The following ADAMTS17 variants were observed in gnomAD, a reference collection of about 807,000 sequenced individuals.
The protein encoded by ADAMTS17 is ADAM metallopeptidase with thrombospondin type 1 motif 17, also known as A disintegrin and metalloproteinase with thrombospondin motifs 17.
ADAMTS17 carries 113 observed loss-of-function variants against 141.5 expected under a neutral mutation model. The ratio of observed to expected loss-of-function variants is 0.80; its 90% CI spans 0.69 to 0.93. ADAMTS17 has a LOEUF of 0.93. ADAMTS17 is among the 40% of genes least tolerant of loss of function. ADAMTS17 has a pLI of 0.00. For synonymous variants in ADAMTS17, 768 were observed against 630.6 expected (o/e 1.22, Z -3.27); for missense variants, 1,659 against 1,517.9 (o/e 1.09, Z -1.54).
chr15:99,986,131 CCAGGCAGG>C (rs1326403236), intron 20 of ADAMTS17, among the ~76,000 whole-genome samples: 9 of 152,264 alleles, frequency 5.9e-5, no homozygotes, highest in Admixed American at 3.9e-4. Context: ...GGGGCCACAG[CCAGGCAGG>C]CAGGCCTTGC....
intron 18 of ADAMTS17, 89 bp downstream of exon 18, chr15:100,048,768 G>A: frequency 1.3e-6 from 2 of 1,566,364 alleles, no homozygotes; most frequent in South Asian, 1.1e-5. Context: ...GAGCAGTACT[G>A]TGGCATTAAC....
chr15:100,087,159 A>G (rs1467889966), intron 15 of ADAMTS17, among the ~76,000 whole-genome samples: 1 of 152,252 alleles, frequency 6.6e-6, no homozygotes, highest in Non-Finnish European at 1.5e-5. Flanking sequence ...TAAAGGGGAT[A>G]TCACCACTGA....
At chr15:100,315,040 G>T (rs1301409578) in intron 3 of ADAMTS17, among the ~76,000 whole-genome samples, 2 of 152,248 alleles carry the variant, frequency 1.3e-5, no homozygotes, top group Non-Finnish European at 2.9e-5. Flanking sequence ...AACCCCGCCG[G>T]CTCTGTTGTA....
intron 7 of ADAMTS17, among the ~76,000 whole-genome samples, chr15:100,210,230 C>CAAAAAAAAA (rs34086690): frequency 3.2e-5 from 1 of 31,184 alleles, no homozygotes; most frequent in East Asian, 1.2e-3. Flanking sequence ...GACTCCATCT[C>CAAAAAAAAA]AAAAAAAAAA....
At chr15:99,982,487 A>C (rs546690551) in intron 20 of ADAMTS17, among the ~76,000 whole-genome samples, 1 of 152,180 alleles carries the variant, frequency 6.6e-6, no homozygotes, top group Non-Finnish European at 1.5e-5. Flanking sequence ...TCGTAACCTG[A>C]GCTGGGCCAT....
chr15:100,048,027 A>G (rs1180969104), intron 18 of ADAMTS17, among the ~76,000 whole-genome samples: 1 of 152,200 alleles, frequency 6.6e-6, no homozygotes, highest in East Asian at 1.9e-4. Context: ...AGAGTTTGAC[A>G]AAACAAAGGG....
intron 3 of ADAMTS17, among the ~76,000 whole-genome samples, chr15:100,321,858 C>G (rs2045742910): frequency 6.6e-6 from 1 of 152,138 alleles, no homozygotes; most frequent in African/African-American, 2.4e-5. Context: ...ATATAGAACA[C>G]AACAATTAGA....
chr15:99,982,722 T>C (rs1365719935), intron 20 of ADAMTS17, among the ~76,000 whole-genome samples: 2 of 152,228 alleles, frequency 1.3e-5, no homozygotes, highest in African/African-American at 2.4e-5. Context: ...TCCAATTTCA[T>C]GTGGCTTCCC....
At chr15:100,107,664 G>A (rs966652340) in intron 14 of ADAMTS17, among the ~76,000 whole-genome samples, 1 of 152,084 alleles carries the variant, frequency 6.6e-6, no homozygotes, top group Non-Finnish European at 1.5e-5. Context: ...CCATAAAAGA[G>A]ACTCACAAGA....
At chr15:100,166,204 C>A (rs979898989) in intron 8 of ADAMTS17, among the ~76,000 whole-genome samples, 9 of 152,132 alleles carry the variant, frequency 5.9e-5, no homozygotes, top group Non-Finnish European at 1.0e-4. Context: ...TGAATAAGAT[C>A]TGCTTTTTAT....
intron 15 of ADAMTS17, among the ~76,000 whole-genome samples, chr15:100,080,060 T>TCCC (rs2034630462): frequency 1.3e-5 from 2 of 152,128 alleles, no homozygotes; most frequent in South Asian, 4.2e-4. Context: ...GTACTGTTTC[T>TCCC]CCCATAGCCA....
At chr15:100,075,549 T>C (rs1904893) in intron 15 of ADAMTS17, among the ~76,000 whole-genome samples, 100,184 of 152,070 alleles carry the variant, frequency 0.66, 35,688 homozygotes, top group Non-Finnish European at 0.81. Flanking sequence ...TGCTGGTTAC[T>C]GCCCTATTAT....
chr15:100,155,518 G>A (rs2039393576), intron 8 of ADAMTS17, among the ~76,000 whole-genome samples, 198 bp from the exon 9 acceptor site: 2 of 152,210 alleles, frequency 1.3e-5, no homozygotes, highest in South Asian at 4.1e-4. Flanking sequence ...AGTGAATGAA[G>A]ATAAATTGAG....
At chr15:100,178,162 A>G (rs892876398) in intron 8 of ADAMTS17, among the ~76,000 whole-genome samples, 12 of 152,136 alleles carry the variant, frequency 7.9e-5, no homozygotes, top group African/African-American at 2.9e-4. Context: ...TTTTTAGATC[A>G]TTGAAAGCAA....
intron 15 of ADAMTS17, among the ~76,000 whole-genome samples, chr15:100,073,231 T>C (rs2034112022): frequency 1.3e-5 from 2 of 152,140 alleles, no homozygotes; most frequent in South Asian, 2.1e-4. Context: ...TCACACCAGT[T>C]AGAATGGCAA....
chr15:100,011,356 G>GGAAA (rs2061174364), intron 18 of ADAMTS17, among the ~76,000 whole-genome samples: 1 of 10,772 alleles, frequency 9.3e-5, no homozygotes, highest in Admixed American at 9.0e-4. Flanking sequence ...GAGGAGGGAC[G>GGAAA]GGAGGGAGAG....
chr15:100,174,213 A>T (rs1224945716), intron 8 of ADAMTS17, among the ~76,000 whole-genome samples: 1 of 152,236 alleles, frequency 6.6e-6, no homozygotes, highest in East Asian at 1.9e-4. Flanking sequence ...GGTTAAAGTC[A>T]ACATTCTCAC....
chr15:100,264,485 C>T lies in ADAMTS17; in HGVS notation c.790-2050G>A, dbSNP rs569948428. Reference sequence around the variant, plus strand: ...ACAGCACAATCTAAACACTGCCTGTCACGCCAAGCCCAGTCAAAACCAGAA... The same window carrying T: ...ACAGCACAATCTAAACACTGCCTGTTACGCCAAGCCCAGTCAAAACCAGAA... On this transcript the variant is annotated intron_variant, in intron 4 of 21. Transcript: ENST00000268070. 2.0e-5 allele frequency among the ~76,000 whole-genome samples: 3 copies of T among 152,302 alleles called. No individual in the cohort carries two copies. The East Asian group carries it at 5.8e-4, about 29-fold the overall frequency.
chr15:100,244,066 A>C (rs542436149), intron 7 of ADAMTS17, among the ~76,000 whole-genome samples: 20 of 152,212 alleles, frequency 1.3e-4, no homozygotes, highest in African/African-American at 4.6e-4. Context: ...GAGGCCTCAC[A>C]GTCATGGCGG....
Sources: allele counts gnomAD v4.1 joint callset (sites outside exome capture counted in the v4.1 genomes callset), GRCh38; gene constraint gnomAD v4.1.1; transcripts MANE v1.5; gene names NCBI Gene and HGNC (gene_info 2026-07-23, HGNC 2026-07-21).